SEC22C: variants seen among roughly 807,000 people sequenced by gnomAD.
The protein encoded by SEC22C is SEC22 homolog C, vesicle trafficking protein, also known as vesicle-trafficking protein SEC22c.
In SEC22C, 29 loss-of-function variants were observed where a neutral mutation model predicts 34.7. The ratio of observed to expected loss-of-function variants is 0.84; its 90% CI spans 0.62 to 1.14. SEC22C has a LOEUF of 1.14. SEC22C is among the 50% of genes most tolerant of loss of function. The pLI is 0.00. For missense variants in SEC22C, 337 were observed against 369.0 expected (o/e 0.91, Z 0.71); for synonymous variants, 117 against 132.8 (o/e 0.88, Z 0.82).
intron 1 of SEC22C, chr3:42,580,323 C>G (rs1704250597): frequency 6.6e-6 from 1 of 152,210 alleles, no homozygotes; most frequent in Non-Finnish European, 1.5e-5. Flanking sequence ...AAACAGGCTT[C>G]ATTTGGCACA....
chr3:42,591,067 A>G, intron 1 of SEC22C: 3 of 1,333,530 alleles, frequency 2.2e-6, no homozygotes, highest in Non-Finnish European at 2.1e-6. Flanking sequence ...CTCCCAGCTG[A>G]CTGTGAAGGG....
Position 42,549,649 on chromosome 3 carries a change from C to CCCA in SEC22C, c.*3596_*3598dup. The CCCA allele has an allele frequency of 5.1e-6, 5 of 985,438 alleles. No individual in the cohort carries two copies. The highest frequency in any genetic ancestry group is 6.0e-6 in the Non-Finnish European group (5 of 829,976). 61.0% of individuals were successfully genotyped at this position (985,438 alleles called of 1,614,324 possible). On this transcript the variant is annotated 3_prime_UTR_variant, in exon 7 of 7. Transcript: ENST00000264454. ...CTGCTCCCACTCTGAAGCTCGTCTACCCACCCCATTTGTTACAATTAAAGA... is the reference window on the plus strand; with the variant it reads ...CTGCTCCCACTCTGAAGCTCGTCTACCCACCACCCCATTTGTTACAATTAAAGA...
chr3:42,555,908 A>G, intron 6 of SEC22C, 22 bp downstream of exon 6: 1 of 1,594,440 alleles, frequency 6.3e-7, no homozygotes, highest in East Asian at 2.2e-5. Flanking sequence ...TAATCCACTG[A>G]CCAAAATATC....
At chr3:42,591,757 C>T (rs919794631) in intron 1 of SEC22C, among the ~76,000 whole-genome samples, 17 of 152,152 alleles carry the variant, frequency 1.1e-4, no homozygotes, top group Non-Finnish European at 2.1e-4. Context: ...CCAACCTGCC[C>T]AAGACCATAC....
At chr3:42,590,725 G>A (rs68004576) in intron 1 of SEC22C, 80,875 of 712,242 alleles carry the variant, frequency 0.11, 5,692 homozygotes, top group African/African-American at 0.24. Flanking sequence ...CCGGCGTTCT[G>A]GGGGCTGGGA....
In SEC22C at chr3:42,549,677, G is replaced by GT; in HGVS notation, c.*3570dup. 1 of 985,444 alleles carries GT rather than the reference G, an allele frequency of 1.0e-6. No homozygotes were observed. Among genetic ancestry groups the GT allele is most frequent in the Non-Finnish European group, 1.2e-6 (1 of 829,970 alleles). 61.0% of individuals were successfully genotyped at this position (985,444 alleles called of 1,614,324 possible). A position where few individuals can be genotyped will look rare whatever the true frequency, so the allele number is the denominator to read the frequency against. On this transcript the variant is annotated 3_prime_UTR_variant, in exon 7 of 7. Coordinates refer to ENST00000264454, the MANE Select transcript of SEC22C (RefSeq NM_032970.4). ...ACCCCATTTGTTACAATTAAAGATG[G>GT]TTTTCTCATCCCTCCAGAGACTCCA...
intron 1 of SEC22C, among the ~76,000 whole-genome samples, chr3:42,592,560 A>G (rs1704887128): frequency 6.6e-6 from 1 of 152,194 alleles, no homozygotes; most frequent in African/African-American, 2.4e-5. Context: ...ATGTTTCACA[A>G]TCCCTACCCC....
chr3:42,600,873 G>C (rs997010886), intron 1 of SEC22C: 79 of 621,136 alleles, frequency 1.3e-4, no homozygotes, highest in Non-Finnish European at 1.9e-4. Context: ...CTGTCGCGAC[G>C]GGCCGGCGTG....
chr3:42,553,389 G>A lies in SEC22C; in HGVS notation c.771C>T (p.Leu257=). 1.2e-6 allele frequency: 2 copies of A among 1,614,124 alleles called. No homozygotes were observed. Among genetic ancestry groups the A allele is most frequent in the Non-Finnish European group, 1.7e-6 (2 of 1,180,020 alleles). The change falls in exon 7 of 7, where the codon CTC becomes CTT. Residue 257 remains leucine, a synonymous_variant. Transcript: ENST00000264454. ...ARTMKVVLML[L]FICLGNMYLH... ...GGTACATGTTGCCCAGGCAAATAAA[G>A]AGCAGCATAAGCACCACCTTCATAG...
At chr3:42,571,493 T>C (rs1703625158) in intron 1 of SEC22C, among the ~76,000 whole-genome samples, 1 of 152,228 alleles carries the variant, frequency 6.6e-6, no homozygotes, top group African/African-American at 2.4e-5. Context: ...GGATGGCAGC[T>C]GCCTGAAGGG....
upstream of SEC22C, among the ~76,000 whole-genome samples, chr3:42,585,095 C>G (rs1434577594): frequency 6.6e-6 from 1 of 152,178 alleles, no homozygotes; most frequent in Non-Finnish European, 1.5e-5. Flanking sequence ...CACCATTGCA[C>G]TCCAGCCTGA....
intron 5 of SEC22C, among the ~76,000 whole-genome samples, 168 bp from the exon 6 acceptor site, chr3:42,556,163 A>G (rs1159855627): frequency 6.6e-6 from 1 of 152,234 alleles, no homozygotes. Context: ...TTAGCATACA[A>G]TCGTTTTCAA....
intron 3 of SEC22C, among the ~76,000 whole-genome samples, chr3:42,562,505 C>T (rs1168746653): frequency 6.6e-6 from 1 of 152,184 alleles, no homozygotes; most frequent in Non-Finnish European, 1.5e-5. Flanking sequence ...GGGTGCTAGC[C>T]CCATTCCTGA....
chr3:42,554,451 T>G (rs758724373), intron 6 of SEC22C, among the ~76,000 whole-genome samples: 1 of 152,126 alleles, frequency 6.6e-6, no homozygotes, highest in Non-Finnish European at 1.5e-5. Context: ...TTCAAGCAAT[T>G]CTCATGCCTA....
At chr3:42,580,334 C>CA (rs1187487085) in intron 1 of SEC22C, 4 of 152,200 alleles carry the variant, frequency 2.6e-5, no homozygotes, top group Non-Finnish European at 5.9e-5. Flanking sequence ...ATTTGGCACA[C>CA]AAATATTCAA....
rs1038946923 is a variant in SEC22C at position 42,581,914 on chromosome 3, C to G, written c.-96G>C. On this transcript the variant is annotated 5_prime_UTR_variant, in exon 1 of 7. Coordinates refer to ENST00000264454, the MANE Select transcript of SEC22C (RefSeq NM_032970.4). ...CCCGCCGCCTCCTCAGCAATCTTAG[C>G]CGACCGGGAGGGCTCGGCCCAGGTC... The G allele has an allele frequency of 3.9e-5, 6 of 152,272 alleles. No homozygotes were observed. Among genetic ancestry groups the G allele is most frequent in the Non-Finnish European group, 7.3e-5 (5 of 68,090 alleles). 9.4% of individuals were successfully genotyped at this position (152,272 alleles called of 1,614,324 possible). A position where few individuals can be genotyped will look rare whatever the true frequency, so the allele number is the denominator to read the frequency against.
chr3:42,571,031 A>C (rs1703595321), intron 1 of SEC22C, among the ~76,000 whole-genome samples: 1 of 152,224 alleles, frequency 6.6e-6, no homozygotes, highest in African/African-American at 2.4e-5. Flanking sequence ...TTGGGAGCTG[A>C]GTAAATTGTA....
chr3:42,591,720 T>G (rs1413935075), intron 1 of SEC22C: 4 of 749,944 alleles, frequency 5.3e-6, no homozygotes, highest in Non-Finnish European at 9.3e-6. Flanking sequence ...CTCTTTGAAC[T>G]GAGGAAAGAG....
intron 1 of SEC22C, among the ~76,000 whole-genome samples, chr3:42,598,495 T>G (rs977041520): frequency 2.6e-5 from 4 of 151,844 alleles, no homozygotes; most frequent in African/African-American, 9.7e-5. Flanking sequence ...GCCCTGCTAA[T>G]TTTTTGTATT....
Sources: allele counts gnomAD v4.1 joint callset (sites outside exome capture counted in the v4.1 genomes callset), GRCh38; gene constraint gnomAD v4.1.1; transcripts MANE v1.5; gene names NCBI Gene and HGNC (gene_info 2026-07-23, HGNC 2026-07-21).